NFX1: variants seen among roughly 807,000 people sequenced by gnomAD.
The protein encoded by NFX1 is transcriptional repressor NF-X1.
NFX1 carries 69 observed loss-of-function variants against 137.2 expected under a neutral mutation model. The ratio of observed to expected loss-of-function variants is 0.50; its 90% CI spans 0.41 to 0.61. The LOEUF is 0.61. NFX1 is among the 20% of genes least tolerant of loss of function. The probability of loss-of-function intolerance (pLI) is 0.00; values close to 1 mark genes in which losing one functional copy is unlikely to be tolerated. For synonymous variants in NFX1, 495 were observed against 474.1 expected (o/e 1.04, Z -0.57); for missense variants, 1,167 against 1,391.0 (o/e 0.84, Z 2.56).
chr9:33,343,896 C>G (rs1301005299), intron 13 of NFX1, among the ~76,000 whole-genome samples, 173 bp from the exon 14 acceptor site: 1 of 152,112 alleles, frequency 6.6e-6, no homozygotes, highest in African/African-American at 2.4e-5. Flanking sequence ...ACCAGCTTAG[C>G]TTTAATAAAA....
At chr9:33,369,856 CTG>C in intron 23 of NFX1, 48 bp from the exon 24 acceptor site, 3 of 1,335,194 alleles carry the variant, frequency 2.2e-6, no homozygotes, top group Non-Finnish European at 3.2e-6. Context: ...AGTCCTGTAT[CTG>C]TTTCCCCCAA....
chr9:33,314,645 C>G (rs940717079), intron 7 of NFX1, among the ~76,000 whole-genome samples: 2 of 151,952 alleles, frequency 1.3e-5, no homozygotes, highest in Admixed American at 6.6e-5. Context: ...CCACTGCACT[C>G]TAGCCTGGAT....
Position 33,361,208 on chromosome 9 carries a change from CTA to C in NFX1, c.2874-2800_2874-2799del, listed in dbSNP as rs764404273. Among the ~76,000 whole-genome samples the C allele has an allele frequency of 1.5e-4, 23 of 151,998 alleles. No individual in the cohort carries two copies. In the East Asian group the frequency reaches 3.5e-3, roughly 23 times the overall value. Reference sequence around the variant, plus strand: ...AAAATATGGGAACATAATTAGAAGACTATGAGCCATGAAGACAGTTAAGTGTG... The same window carrying C: ...AAAATATGGGAACATAATTAGAAGACTGAGCCATGAAGACAGTTAAGTGTG... On this transcript the variant is annotated intron_variant, in intron 19 of 23. Transcript: ENST00000379540.
chr9:33,312,659 T>G (rs955505718), intron 6 of NFX1, among the ~76,000 whole-genome samples: 1 of 152,170 alleles, frequency 6.6e-6, no homozygotes, highest in Admixed American at 6.5e-5. Context: ...TCACTTGAGG[T>G]TAAGAGTTCG....
intron 7 of NFX1, among the ~76,000 whole-genome samples, chr9:33,316,575 C>T (rs1194729401): frequency 1.3e-5 from 2 of 152,260 alleles, no homozygotes; most frequent in East Asian, 3.9e-4. Context: ...TGTTTTTCCA[C>T]ATTAGTTATC....
intron 23 of NFX1, 122 bp from the exon 24 acceptor site, chr9:33,369,784 T>TA: frequency 1.3e-6 from 1 of 778,160 alleles, no homozygotes; most frequent in South Asian, 1.7e-5. Context: ...AAGACTAAAA[T>TA]AAAAATAAAA....
At chr9:33,331,281 G>A (rs1466121881) in intron 10 of NFX1, among the ~76,000 whole-genome samples, 1 of 152,230 alleles carries the variant, frequency 6.6e-6, no homozygotes, top group Non-Finnish European at 1.5e-5. Flanking sequence ...TTCCACAGAA[G>A]TGAGTTTTCT....
intron 2 of NFX1, among the ~76,000 whole-genome samples, chr9:33,299,768 A>G (rs1177820019): frequency 6.6e-6 from 1 of 152,210 alleles, no homozygotes; most frequent in Non-Finnish European, 1.5e-5. Flanking sequence ...TTAATGGAGC[A>G]CCTAGTATAT....
intron 19 of NFX1, among the ~76,000 whole-genome samples, chr9:33,357,874 GTTA>G (rs1166029691): frequency 4.6e-5 from 7 of 151,900 alleles, no homozygotes; most frequent in Non-Finnish European, 1.0e-4. Context: ...CAATTGGCTT[GTTA>G]TTATAATATA....
chr9:33,354,307 AAT>A, intron 18 of NFX1, 120 bp downstream of exon 18: 2 of 778,490 alleles, frequency 2.6e-6, no homozygotes, highest in Non-Finnish European at 2.0e-6. Flanking sequence ...ATAAGTATTC[AAT>A]AGACAATTTG....
chr9:33,302,826 C>T (rs779531641), intron 3 of NFX1, among the ~76,000 whole-genome samples: 29 of 151,910 alleles, frequency 1.9e-4, no homozygotes, highest in Non-Finnish European at 3.2e-4. Context: ...CGCACCACCA[C>T]GCCCAGCTAA....
chr9:33,330,104 A>G (rs1214535427), intron 10 of NFX1, among the ~76,000 whole-genome samples: 2 of 152,142 alleles, frequency 1.3e-5, no homozygotes, highest in Non-Finnish European at 2.9e-5. Flanking sequence ...TACCTTGGAT[A>G]GTTTTCATCA....
chr9:33,349,116 C>T (rs1823542232), intron 15 of NFX1, among the ~76,000 whole-genome samples: 1 of 152,304 alleles, frequency 6.6e-6, no homozygotes, highest in South Asian at 2.1e-4. Flanking sequence ...TATCTTCGTA[C>T]TGATGGCTTA....
In NFX1 at chr9:33,310,597, T is replaced by G. The variant is rs7848862; in HGVS notation, c.1377-509T>G. Among the ~76,000 whole-genome samples the G allele has an allele frequency of 6.5e-3, 988 of 152,194 alleles. 15 individuals carry two copies. Among genetic ancestry groups the G allele is most frequent in the African/African-American group, 0.022 (917 of 41,516 alleles). ...ATGTTACTCACTAGCATGCCTCCCC[T>G]CATGTCAGCCTTCTTTTCACTGTTC... On this transcript the variant is annotated intron_variant, in intron 5 of 23. Coordinates refer to ENST00000379540, the MANE Select transcript of NFX1 (RefSeq NM_002504.6).
chr9:33,358,135 T>A (rs1198239), intron 19 of NFX1, among the ~76,000 whole-genome samples: 1 of 152,014 alleles, frequency 6.6e-6, no homozygotes, highest in Non-Finnish European at 1.5e-5. Context: ...ACTTGTAATT[T>A]TTTTTTTGAG....
intron 11 of NFX1, among the ~76,000 whole-genome samples, chr9:33,337,180 A>G (rs894652567): frequency 3.3e-5 from 5 of 152,196 alleles, no homozygotes; most frequent in Non-Finnish European, 7.3e-5. Context: ...TTCCATATCC[A>G]TGGGTTCCAT....
Position 33,343,962 on chromosome 9 carries a change from C to A in NFX1, c.2225-107C>A, listed in dbSNP as rs542021749. On this transcript the variant is annotated intron_variant, in intron 13 of 23. Coordinates refer to ENST00000379540, the MANE Select transcript of NFX1 (RefSeq NM_002504.6). ...GAAAAAAGTAGCACCCCCATAAATTCTCCTCTAAAAATACAAGCAAAAATG... is the reference window on the plus strand; with the variant it reads ...GAAAAAAGTAGCACCCCCATAAATTATCCTCTAAAAATACAAGCAAAAATG... 7.6e-6 allele frequency: 11 copies of A among 1,454,718 alleles called. No homozygotes were observed. The Admixed American group carries it at 1.5e-4, about 19-fold the overall frequency. 90.1% of individuals were successfully genotyped at this position (1,454,718 alleles called of 1,614,324 possible).
intron 12 of NFX1, among the ~76,000 whole-genome samples, chr9:33,342,222 G>A (rs1239067804): frequency 1.3e-5 from 2 of 152,016 alleles, no homozygotes; most frequent in Admixed American, 6.6e-5. Flanking sequence ...AGCACTTTGG[G>A]AGGCCAAGGT....
Position 33,290,604 on chromosome 9 carries a change from T to C in NFX1, c.25+7T>C. 2 of 1,612,804 alleles carry C rather than the reference T, an allele frequency of 1.2e-6. No homozygotes were observed. Among genetic ancestry groups the C allele is most frequent in the Non-Finnish European group, 8.5e-7 (1 of 1,179,670 alleles). The stretch of plus-strand genomic sequence containing the variant: ...GAGGCGCCTCCTGTCTCAGGTATTG[T>C]CCCGGCCCGAGCGGGACTGGGCCCC... On this transcript the variant is annotated splice_region_variant and intron_variant, in intron 1 of 23. Coordinates refer to ENST00000379540, the MANE Select transcript of NFX1 (RefSeq NM_002504.6).
Sources: gnomAD v4.1 joint callset for allele counts (sites outside exome capture counted in the v4.1 genomes callset) on GRCh38, gnomAD v4.1.1 for gene constraint, MANE v1.5 for transcripts, NCBI Gene and HGNC (gene_info 2026-07-23, HGNC 2026-07-21) for gene names.